The following CFAP251 variants were observed in gnomAD, a reference collection of about 807,000 sequenced individuals.
The protein encoded by CFAP251 is cilia- and flagella-associated protein 251.
Under a neutral mutation model 126.7 loss-of-function variants are expected in CFAP251, and 93 were observed. That is an observed-to-expected ratio of 0.73 (90% CI 0.62 to 0.87). The LOEUF (loss-of-function observed/expected upper bound fraction) is 0.87, where lower values mean the gene tolerates loss of function less well. Among genes scored for constraint, CFAP251 ranks in the 40% least tolerant of loss-of-function variants. The probability of loss-of-function intolerance (pLI) is 0.00; values close to 1 mark genes in which losing one functional copy is unlikely to be tolerated. For synonymous variants in CFAP251, 503 were observed against 506.9 expected (o/e 0.99, Z 0.10); for missense variants, 1,287 against 1,389.2 (o/e 0.93, Z 1.17).
chr12:121,942,407 A>C, intron 5 of CFAP251, 127 bp from the exon 6 acceptor site: 1 of 595,498 alleles, frequency 1.7e-6, no homozygotes, highest in South Asian at 2.2e-5. Flanking sequence ...GAAAGATTCC[A>C]CTGTATGGAT....
chr12:121,990,455 A>G (rs1882850980), intron 19 of CFAP251, among the ~76,000 whole-genome samples: 1 of 152,120 alleles, frequency 6.6e-6, no homozygotes, highest in African/African-American at 2.4e-5. Flanking sequence ...GTGGTCTAGA[A>G]TTGGGTGCAT....
At chr12:121,992,505 CCTGTT>C (rs1361802952) in intron 19 of CFAP251, 4 of 985,000 alleles carry the variant, frequency 4.1e-6, no homozygotes, top group East Asian at 1.1e-4. Context: ...GTCTTAGTCT[CCTGTT>C]CTGAACTGAG....
At chr12:121,987,607 CGGGAGGCTGAGGCA>C (rs1565923436) in intron 19 of CFAP251, among the ~76,000 whole-genome samples, 1 of 150,638 alleles carries the variant, frequency 6.6e-6, no homozygotes, top group African/African-American at 2.4e-5. Context: ...CCCAGCTACT[CGGGAGGCTGAGGCA>C]GGAGAATCGC....
chr12:122,002,227 C>T (rs1883166988), intron 21 of CFAP251, among the ~76,000 whole-genome samples: 1 of 152,062 alleles, frequency 6.6e-6, no homozygotes, highest in Admixed American at 6.6e-5. Flanking sequence ...TGGTGGCACA[C>T]ACCTGTAATC....
In CFAP251 at chr12:121,975,809, A is replaced by G. The variant is rs978969671; in HGVS notation, c.3006+124A>G. ...TTTCTTGCATAAATGGATCAGAAAGATGGTTCTGGGCATTTCAGATGCACT... is the reference window on the plus strand; with the variant it reads ...TTTCTTGCATAAATGGATCAGAAAGGTGGTTCTGGGCATTTCAGATGCACT... On this transcript the variant is annotated intron_variant, in intron 19 of 21. Coordinates refer to ENST00000288912, the MANE Select transcript of CFAP251 (RefSeq NM_144668.6). The G allele has an allele frequency of 3.7e-6, 4 of 1,091,260 alleles. No homozygotes were observed. The African/African-American group carries it at 6.4e-5, about 17-fold the overall frequency. The allele number at this position is 1,091,260 out of a possible 1,614,324, so 67.6% of individuals were successfully genotyped here.
chr12:121,921,302 A>G lies in CFAP251; in HGVS notation c.-4A>G. 1 of 1,577,094 alleles carries G rather than the reference A, an allele frequency of 6.3e-7. No homozygotes were observed. Among genetic ancestry groups the G allele is most frequent in the African/African-American group, 1.4e-5 (1 of 72,770 alleles). Reference sequence around the variant, plus strand: ...TCTCTCTAGAGGAAACTCTACAGAGAAGAATGTCAGATGCAGCAGAAGCTC... The same window carrying G: ...TCTCTCTAGAGGAAACTCTACAGAGGAGAATGTCAGATGCAGCAGAAGCTC... On this transcript the variant is annotated 5_prime_UTR_variant, in exon 2 of 22. Transcript: ENST00000288912.
chr12:121,955,360 T>C (rs550133917), intron 10 of CFAP251, among the ~76,000 whole-genome samples: 2 of 152,256 alleles, frequency 1.3e-5, no homozygotes, highest in South Asian at 4.1e-4. Flanking sequence ...CTGTCTTAAT[T>C]AAGACAGAGT....
chr12:121,984,916 C>T (rs1261311943), intron 19 of CFAP251, among the ~76,000 whole-genome samples: 3 of 152,154 alleles, frequency 2.0e-5, no homozygotes, highest in African/African-American at 7.2e-5. Flanking sequence ...AAGTCTAATC[C>T]TGTAGAGACG....
intron 5 of CFAP251, among the ~76,000 whole-genome samples, chr12:121,942,001 T>A (rs559858506): frequency 1.3e-5 from 2 of 152,290 alleles, no homozygotes; most frequent in East Asian, 3.9e-4. Flanking sequence ...TGGCACAGAA[T>A]CAGTGCCTGG....
At position 122,001,880 on chromosome 12, in the gene CFAP251, C is replaced by A. The variant is rs186484828; in HGVS notation, c.3337+282C>A. The stretch of plus-strand genomic sequence containing the variant: ...GCTTGGGTGGGTGAATATTGGCCAC[C>A]CGTAGAGGATCCAGTTTGACAGCTG... On this transcript the variant is annotated intron_variant, in intron 21 of 21. Coordinates refer to ENST00000288912, the MANE Select transcript of CFAP251 (RefSeq NM_144668.6). 3.7e-5 allele frequency: 16 copies of A among 438,076 alleles called. No homozygotes were observed. In the Admixed American group the frequency reaches 4.1e-4, roughly 11 times the overall value. The allele number at this position is 438,076 out of a possible 1,614,324, so 27.1% of individuals were successfully genotyped here.
At position 121,989,744 on chromosome 12, in the gene CFAP251, C is replaced by T. The variant is rs1555220748; in HGVS notation, c.3007-9972C>T. On this transcript the variant is annotated intron_variant, in intron 19 of 21. Coordinates refer to ENST00000288912, the MANE Select transcript of CFAP251 (RefSeq NM_144668.6). This position sits in a 1 kb window ranked among gnomAD's most constrained non-coding sequence, Gnocchi z 4.2. The stretch of plus-strand genomic sequence containing the variant: ...GGGAAGAGGGTGAGTGCTCCCAGTC[C>T]TACTGGTCCATGAAACCATTAGAAA... Among the ~76,000 whole-genome samples, 17 of 152,064 alleles carry T rather than the reference C, an allele frequency of 1.1e-4. No individual in the cohort carries two copies. Among genetic ancestry groups the T allele is most frequent in the Non-Finnish European group, 2.5e-4 (17 of 68,006 alleles).
In CFAP251 at chr12:121,970,154, C is replaced by T. The variant is rs573963858; in HGVS notation, c.2771+1985C>T. ...GTGCACCCCTTGGCCCCAACTGCTA[C>T]CATCACAGTCTATGGCGCTTCTGCC... On this transcript the variant is annotated intron_variant, in intron 17 of 21. Transcript: ENST00000288912. 4.6e-5 allele frequency among the ~76,000 whole-genome samples: 7 copies of T among 152,292 alleles called. No individual in the cohort carries two copies. In the South Asian group the frequency reaches 1.4e-3, roughly 32 times the overall value.
chr12:121,942,328 C>G (rs1469666530), intron 5 of CFAP251, among the ~76,000 whole-genome samples: 1 of 152,152 alleles, frequency 6.6e-6, no homozygotes, highest in Non-Finnish European at 1.5e-5. Context: ...GCTTCTTTCA[C>G]TCAGCATCGC....
At chr12:121,919,143 A>ATTATTTT (rs1555215102) in intron 1 of CFAP251, among the ~76,000 whole-genome samples, 6 of 146,558 alleles carry the variant, frequency 4.1e-5, no homozygotes, top group Non-Finnish European at 1.5e-5. Context: ...TATTATTATT[A>ATTATTTT]TTTTTTTTTT....
intron 19 of CFAP251, among the ~76,000 whole-genome samples, chr12:121,978,983 C>T (rs1277658571): frequency 6.6e-6 from 1 of 152,154 alleles, no homozygotes; most frequent in Admixed American, 6.6e-5. Flanking sequence ...TGCCCATCTT[C>T]AGGAATCCAC....
At chr12:121,950,844 CA>C (rs906964070) in intron 8 of CFAP251, 1 of 152,026 alleles carries the variant, frequency 6.6e-6, no homozygotes, top group African/African-American at 2.4e-5. Context: ...AGGCGTGAGC[CA>C]CCGTGCCCAG....
At chr12:121,953,232 C>A (rs936000195) in intron 9 of CFAP251, 3 of 152,084 alleles carry the variant, frequency 2.0e-5, no homozygotes, top group Non-Finnish European at 4.4e-5. Context: ...CTAAAATCAC[C>A]AAGAAAAATG....
At chr12:121,927,517 G>C (rs556346386) in intron 3 of CFAP251, among the ~76,000 whole-genome samples, 1 of 152,178 alleles carries the variant, frequency 6.6e-6, no homozygotes, top group South Asian at 2.1e-4. Flanking sequence ...GGCTGGTCTC[G>C]AGCTCCTGAC....
chr12:121,947,847 C>G (rs1382240128), intron 7 of CFAP251: 1 of 152,148 alleles, frequency 6.6e-6, no homozygotes, highest in Non-Finnish European at 1.5e-5. Flanking sequence ...GGCTTTTGTG[C>G]TGTTCTGATA....
Sources: gnomAD v4.1 joint callset for allele counts (sites outside exome capture counted in the v4.1 genomes callset) on GRCh38, gnomAD v4.1.1 for gene constraint, Gnocchi (gnomAD v3.1) non-coding constraint, MANE v1.5 for transcripts, NCBI Gene and HGNC (gene_info 2026-07-23, HGNC 2026-07-21) for gene names.